PKP4: variants seen among roughly 807,000 people sequenced by gnomAD.
PKP4 encodes plakophilin-4.
A neutral mutation model predicts 145.1 loss-of-function variants in PKP4; 90 were observed. That is an observed-to-expected ratio of 0.62 (90% CI 0.52 to 0.74). The LOEUF (loss-of-function observed/expected upper bound fraction) is 0.74, where lower values mean the gene tolerates loss of function less well. Ranked by LOEUF, PKP4 falls within the 30% of genes least tolerant of loss-of-function variation. The probability of loss-of-function intolerance (pLI) is 0.00; values close to 1 mark genes in which losing one functional copy is unlikely to be tolerated. For synonymous variants in PKP4, 563 were observed against 577.2 expected (o/e 0.98, Z 0.35); for missense variants, 1,340 against 1,482.7 (o/e 0.90, Z 1.58).
chr2:158,618,755 T>G (rs1041129644), intron 4 of PKP4, among the ~76,000 whole-genome samples: 11 of 152,086 alleles, frequency 7.2e-5, no homozygotes, highest in African/African-American at 2.4e-4. Context: ...AAGCTCTGAA[T>G]AGCTTTTTTT....
At chr2:158,478,052 C>T (rs1429483626) in intron 1 of PKP4, among the ~76,000 whole-genome samples, 1 of 152,062 alleles carries the variant, frequency 6.6e-6, no homozygotes, top group African/African-American at 2.4e-5. Flanking sequence ...TTTCAGTGTC[C>T]TAAAATAGAC....
chr2:158,566,011 G>A (rs558223498), intron 2 of PKP4, among the ~76,000 whole-genome samples: 2 of 152,212 alleles, frequency 1.3e-5, no homozygotes, highest in East Asian at 3.9e-4. Flanking sequence ...TAATAAATAT[G>A]TTTTCTAATT....
At chr2:158,542,473 G>C (rs761062406) in intron 2 of PKP4, among the ~76,000 whole-genome samples, 2 of 152,062 alleles carry the variant, frequency 1.3e-5, no homozygotes, top group Non-Finnish European at 2.9e-5. Context: ...GTTGCATTTC[G>C]CTCATTTGAT....
chr2:158,545,053 G>C (rs986200318), intron 2 of PKP4, among the ~76,000 whole-genome samples: 10 of 144,882 alleles, frequency 6.9e-5, no homozygotes, highest in African/African-American at 2.6e-4. Flanking sequence ...AAAGAGAGCA[G>C]GCCTAACCTA....
At chr2:158,492,085 A>G (rs761084022) in intron 1 of PKP4, among the ~76,000 whole-genome samples, 1 of 152,290 alleles carries the variant, frequency 6.6e-6, no homozygotes, top group East Asian at 1.9e-4. Flanking sequence ...CTGGGATTAC[A>G]GGCTTGACCC....
chr2:158,558,523 A>G (rs1203289127), intron 2 of PKP4, among the ~76,000 whole-genome samples: 1 of 152,188 alleles, frequency 6.6e-6, no homozygotes, highest in East Asian at 1.9e-4. Context: ...AGATAGATGG[A>G]GAACAGAAAA....
intron 1 of PKP4, among the ~76,000 whole-genome samples, chr2:158,496,635 C>G (rs1695753439): frequency 6.6e-6 from 1 of 152,146 alleles, no homozygotes; most frequent in Non-Finnish European, 1.5e-5. Context: ...CAGAATTCAG[C>G]CTTCACATGT....
At chr2:158,666,839 A>G (rs2057134327) in intron 16 of PKP4, among the ~76,000 whole-genome samples, 1 of 152,194 alleles carries the variant, frequency 6.6e-6, no homozygotes. Context: ...AATGTCTCTC[A>G]TTTCTAAGAG....
intron 2 of PKP4, among the ~76,000 whole-genome samples, chr2:158,574,806 T>C (rs1215316927): frequency 6.6e-6 from 1 of 152,194 alleles, no homozygotes; most frequent in Non-Finnish European, 1.5e-5. Context: ...TTCAGTATTA[T>C]GGGCTCTGCA....
chr2:158,520,660 C>A (rs890585115), intron 1 of PKP4, among the ~76,000 whole-genome samples: 2 of 152,194 alleles, frequency 1.3e-5, no homozygotes, highest in Non-Finnish European at 2.9e-5. Flanking sequence ...CCGCCCATGT[C>A]GGGCTAGCAC....
intron 2 of PKP4, among the ~76,000 whole-genome samples, chr2:158,558,017 G>A (rs1414639777): frequency 6.6e-6 from 1 of 152,168 alleles, no homozygotes; most frequent in African/African-American, 2.4e-5. Flanking sequence ...CAACCACATA[G>A]TTGTTACTTG....
At chr2:158,565,883 AT>A (rs2046942750) in intron 2 of PKP4, among the ~76,000 whole-genome samples, 1 of 152,210 alleles carries the variant, frequency 6.6e-6, no homozygotes. Context: ...GAGTGATGAT[AT>A]TATTGAAACC....
Position 158,583,870 on chromosome 2 carries a change from A to AT in PKP4, c.245+6495dup, listed in dbSNP as rs199514297. Among the ~76,000 whole-genome samples, 188 of 150,556 alleles carry AT rather than the reference A, an allele frequency of 1.2e-3. 1 individual carries two copies. The highest frequency in any genetic ancestry group is 4.0e-3 in the African/African-American group (161 of 40,472). ...GTTTCTTATATTTTTATATTTTCTG[A>AT]TTTTTTTTAATAAACCTTTGTGTCG... On this transcript the variant is annotated intron_variant, in intron 3 of 21. Coordinates refer to ENST00000389759, the MANE Select transcript of PKP4 (RefSeq NM_003628.6).
chr2:158,669,698 T>C (rs2057398179), intron 16 of PKP4, 22 bp from the exon 17 acceptor site: 1 of 1,506,422 alleles, frequency 6.6e-7, no homozygotes, highest in Admixed American at 2.1e-5. Context: ...GGAAGTAGAA[T>C]TTACTCTTTT....
intron 2 of PKP4, among the ~76,000 whole-genome samples, chr2:158,557,592 T>G (rs2046204376): frequency 6.6e-6 from 1 of 152,200 alleles, no homozygotes; most frequent in South Asian, 2.1e-4. Flanking sequence ...AAATGCCAAG[T>G]TTTGCCAGAT....
At chr2:158,503,843 T>C (rs1407407121) in intron 1 of PKP4, among the ~76,000 whole-genome samples, 1 of 152,138 alleles carries the variant, frequency 6.6e-6, no homozygotes, top group Non-Finnish European at 1.5e-5. Flanking sequence ...CCTGGATAGA[T>C]TGCTAAAAAC....
intron 1 of PKP4, among the ~76,000 whole-genome samples, chr2:158,474,632 A>G (rs1386018826): frequency 6.6e-6 from 1 of 152,180 alleles, no homozygotes; most frequent in Non-Finnish European, 1.5e-5. Flanking sequence ...ATGGTTTTTC[A>G]CCAGTGCCCT....
At position 158,635,671 on chromosome 2, in the gene PKP4, T is replaced by A. The variant is rs547959611; in HGVS notation, c.1562+1382T>A. Among the ~76,000 whole-genome samples, 4 of 152,296 alleles carry A rather than the reference T, an allele frequency of 2.6e-5. No homozygotes were observed. In the East Asian group the frequency reaches 7.7e-4, roughly 29 times the overall value. On this transcript the variant is annotated intron_variant, in intron 9 of 21. Coordinates refer to ENST00000389759, the MANE Select transcript of PKP4 (RefSeq NM_003628.6). ...TGATTCTCTATAAACAAGGACTTCA[T>A]GTATGATAATATACCTCAGCTATTC...
intron 1 of PKP4, among the ~76,000 whole-genome samples, chr2:158,530,063 G>A (rs943073692): frequency 6.6e-6 from 1 of 152,116 alleles, no homozygotes; most frequent in African/African-American, 2.4e-5. Context: ...CTATGTTAAT[G>A]ACAATGTGAT....
Sources: gnomAD v4.1 joint callset for allele counts (sites outside exome capture counted in the v4.1 genomes callset) on GRCh38, gnomAD v4.1.1 for gene constraint, MANE v1.5 for transcripts, NCBI Gene and HGNC (gene_info 2026-07-23, HGNC 2026-07-21) for gene names.